Variants in TJP3 observed in about 807,000 individuals in gnomAD.
The protein encoded by TJP3 is tight junction protein ZO-3.
TJP3 carries 85 observed loss-of-function variants against 104.2 expected under a neutral mutation model. The ratio of observed to expected loss-of-function variants is 0.82; its 90% CI spans 0.68 to 0.98. The LOEUF is 0.98. Among genes scored for constraint, TJP3 ranks in the 50% least tolerant of loss-of-function variants. The pLI is 0.00. For synonymous variants in TJP3, 550 were observed against 550.6 expected, an observed-to-expected ratio of 1.00 and a Z score of 0.02; for missense variants, 1,367 against 1,322.8, an observed-to-expected ratio of 1.03 and a Z score of -0.52.
intron 14 of TJP3, among the ~76,000 whole-genome samples, chr19:3,741,562 G>A (rs2036820355): frequency 6.8e-6 from 1 of 147,872 alleles, no homozygotes; most frequent in Admixed American, 6.8e-5. Context: ...GGGAGGCAGA[G>A]GTTGCAGTGA....
intron 1 of TJP3, among the ~76,000 whole-genome samples, chr19:3,726,593 G>GT (rs113808998): frequency 0.11 from 15,865 of 144,776 alleles, 1,007 homozygotes; most frequent in Admixed American, 0.22. Flanking sequence ...AGTTTTTTTT[G>GT]TTTTTTTTTT....
intron 14 of TJP3, among the ~76,000 whole-genome samples, chr19:3,741,811 G>A (rs1440751344): frequency 4.0e-5 from 6 of 148,174 alleles, no homozygotes; most frequent in Non-Finnish European, 9.0e-5. Context: ...TCTACTAAAA[G>A]TACAAAAAAT....
chr19:3,731,860 T>C, intron 5 of TJP3, 75 bp from the exon 6 acceptor site: 1 of 1,279,372 alleles, frequency 7.8e-7, no homozygotes, highest in Non-Finnish European at 1.1e-6. Flanking sequence ...GCACCTGGAC[T>C]GCTTACAGCA....
rs771162770 is a variant in TJP3, at chr19:3,734,422, A to T, written c.973A>T (p.Thr325Ser). The T allele has an allele frequency of 1.2e-6, 2 of 1,609,330 alleles. No homozygotes were observed. The highest frequency in any genetic ancestry group is 1.7e-6 in the Non-Finnish European group (2 of 1,178,636). ...TCAGCGGAGCCCCGAGGCCAGCCAG[A>T]CCGACTCTCCCGTGTAAGTATCACC... ...HAQRSPEASQ[T>S]DSPVESPRLR... Residue 325 changes from threonine (T) to serine (S), a missense_variant, in exon 8 of 21, where the codon ACC becomes TCC. Thr to Ser is a moderately conservative substitution (Grantham distance 58, BLOSUM62 1). Coordinates refer to ENST00000541714, the MANE Select transcript of TJP3 (RefSeq NM_001267560.2).
At chr19:3,733,966 G>A in intron 7 of TJP3, 54 bp downstream of exon 7, 1 of 1,584,198 alleles carries the variant, frequency 6.3e-7, no homozygotes, top group Non-Finnish European at 8.6e-7. Context: ...GGCAGGGAAG[G>A]TGGGAAGCCC....
In TJP3 at chr19:3,736,575, T is replaced by TTTG. The variant is rs961462205; in HGVS notation, c.1284+266_1284+268dup. On this transcript the variant is annotated intron_variant, in intron 11 of 20. Transcript: ENST00000541714. ...GCCTTGACCTTATCTGGGTTCATTT[T>TTTG]TTGTTGTTGTTGTTTTTGAGATGGA... 7.7e-4 allele frequency among the ~76,000 whole-genome samples: 117 copies of TTTG among 152,262 alleles called. 1 individual carries two copies. The highest frequency in any genetic ancestry group is 2.7e-3 in the African/African-American group (111 of 41,552).
rs770363841 is a variant in TJP3 at position 3,733,789 on chromosome 19, G to A, written c.754G>A (p.Asp252Asn). The A allele has an allele frequency of 5.0e-6, 8 of 1,614,048 alleles. No homozygotes were observed. In the Admixed American group the frequency reaches 6.7e-5, roughly 13 times the overall value. Residue 252 changes from aspartate to asparagine, a missense_variant, in exon 7 of 21, where the codon GAC (aspartate) becomes AAC (asparagine). Transcript: ENST00000541714. ...GVSSQNLSLN[D>N]TRRLIEKSEG... ...GTCTAGCCAGAACCTGTCACTGAACGACACCCGGCGACTGATTGAGAAGTC... is the reference window on the plus strand; with the variant it reads ...GTCTAGCCAGAACCTGTCACTGAACAACACCCGGCGACTGATTGAGAAGTC...
intron 6 of TJP3, among the ~76,000 whole-genome samples, chr19:3,733,238 G>A (rs1391181513): frequency 6.6e-6 from 1 of 150,976 alleles, no homozygotes; most frequent in East Asian, 2.0e-4. Flanking sequence ...GTTTCACCAT[G>A]ATGGCCAGGC....
At chr19:3,736,537 C>T (rs1265286026) in intron 11 of TJP3, among the ~76,000 whole-genome samples, 3 of 152,178 alleles carry the variant, frequency 2.0e-5, no homozygotes, top group Non-Finnish European at 4.4e-5. Flanking sequence ...CCAGTTACAA[C>T]CTCCTTTTCT....
At chr19:3,721,862 G>A in intron 1 of TJP3, 2 of 1,214,828 alleles carry the variant, frequency 1.6e-6, no homozygotes, top group South Asian at 8.3e-5. Context: ...ACCCCCTCGG[G>A]TAGGGGGGCT....
chr19:3,729,705 C>T (rs984380532), intron 3 of TJP3, among the ~76,000 whole-genome samples: 10 of 149,318 alleles, frequency 6.7e-5, no homozygotes, highest in Non-Finnish European at 1.2e-4. Context: ...TCGTTTGAAA[C>T]GAGGAGGTGG....
In TJP3 at chr19:3,746,458, A is replaced by T; in HGVS notation, c.2011-27A>T. The T allele has an allele frequency of 6.2e-7, 1 of 1,611,018 alleles. No individual in the cohort carries two copies. The highest frequency in any genetic ancestry group is 1.1e-5 in the South Asian group (1 of 90,962). On this transcript the variant is annotated intron_variant, in intron 16 of 20. Coordinates refer to ENST00000541714, the MANE Select transcript of TJP3 (RefSeq NM_001267560.2). The surrounding 1 kb of genome is among the most constrained non-coding windows in gnomAD (Gnocchi z 4.1). ...TGTTTACCCTGCTGCAATCCCCCTC[A>T]CCCCAACGTCCGCCGGCCTGGCCCA...
Position 3,740,687 on chromosome 19 carries a change from G to A in TJP3, c.1767G>A (p.Gln589=). 6.2e-7 allele frequency: 1 copy of A among 1,607,158 alleles called. No individual in the cohort carries two copies. The highest frequency in any genetic ancestry group is 8.5e-7 in the Non-Finnish European group (1 of 1,177,476). ...GLRRGAKKTT[Q]RSREDLSALT... The stretch of plus-strand genomic sequence containing the variant: ...GTCGAGGAGCCAAGAAGACCACTCA[G>A]CGGAGCCGTGAGGACCTCTCAGCTC... The change falls in exon 14 of 21, where the codon CAG becomes CAA. Residue 589 remains glutamine, a synonymous_variant. Transcript: ENST00000541714.
chr19:3,739,852 C>G (rs903837973), intron 13 of TJP3, among the ~76,000 whole-genome samples: 3 of 152,092 alleles, frequency 2.0e-5, no homozygotes, highest in Non-Finnish European at 4.4e-5. Flanking sequence ...GACTCTCACC[C>G]TCCCGCCTCT....
Position 3,747,829 on chromosome 19 carries a change from T to C in TJP3, c.2358T>C (p.Pro786=). Residue 786 remains proline, a synonymous_variant, in exon 19 of 21, where the codon CCT becomes CCC. Transcript: ENST00000541714. ...DGSLEDNLDL[P]HHGLADSSAD... is the part of the protein sequence containing the mutation. The stretch of plus-strand genomic sequence containing the variant: ...CCTTGGAGGACAACCTAGACCTCCC[T>C]CACCACGGCCTGGCCGACAGCTCCG... 6.2e-7 allele frequency: 1 copy of C among 1,607,612 alleles called. No homozygotes were observed. The highest frequency in any genetic ancestry group is 1.7e-5 in the Admixed American group (1 of 59,814).
At chr19:3,721,467 C>G (rs1188000892) in intron 1 of TJP3, 2 of 154,414 alleles carry the variant, frequency 1.3e-5, no homozygotes, top group African/African-American at 4.8e-5. Context: ...GTGCCCATTT[C>G]GCGGACGGAA....
chr19:3,743,850 A>C, intron 14 of TJP3, 89 bp from the exon 15 acceptor site: 1 of 1,194,506 alleles, frequency 8.4e-7, no homozygotes, highest in Non-Finnish European at 1.2e-6. Context: ...GCTGTTTACT[A>C]TAAGGAAGTG....
intron 1 of TJP3, 67 bp from the exon 2 acceptor site, chr19:3,728,357 G>T (rs1167476390): frequency 6.2e-7 from 1 of 1,612,846 alleles, no homozygotes; most frequent in Non-Finnish European, 8.5e-7. Flanking sequence ...CCCTGAGCTG[G>T]GGACCCCCAA....
chr19:3,746,932 C>A lies in TJP3; in HGVS notation c.2322+56C>A. 1 of 1,517,812 alleles carries A rather than the reference C, an allele frequency of 6.6e-7. No homozygotes were observed. The highest frequency in any genetic ancestry group is 8.9e-7 in the Non-Finnish European group (1 of 1,117,714). 94.0% of individuals were successfully genotyped at this position (1,517,812 alleles called of 1,614,324 possible). On this transcript the variant is annotated intron_variant, in intron 18 of 20. Coordinates refer to ENST00000541714, the MANE Select transcript of TJP3 (RefSeq NM_001267560.2). The surrounding 1 kb of genome is among the most constrained non-coding windows in gnomAD (Gnocchi z 4.1). The stretch of plus-strand genomic sequence containing the variant: ...GGAGGCCCCACAGACGCTGTGCAGG[C>A]CCAGCTGGGGTTTGGGGCCTCTGTC...
Sources: gnomAD v4.1 joint callset for allele counts (sites outside exome capture counted in the v4.1 genomes callset) on GRCh38, gnomAD v4.1.1 for gene constraint, Gnocchi (gnomAD v3.1) non-coding constraint, MANE v1.5 for transcripts, NCBI Gene and HGNC (gene_info 2026-07-23, HGNC 2026-07-21) for gene names.